The following CERT1 variants were observed in gnomAD, a reference collection of about 807,000 sequenced individuals.
CERT1 encodes ceramide transfer protein.
A neutral mutation model predicts 87.9 loss-of-function variants in CERT1; 31 were observed. That is an observed-to-expected ratio of 0.35 (90% confidence interval 0.27 to 0.48). The LOEUF is 0.48. Ranked by LOEUF, CERT1 falls within the 20% of genes least tolerant of loss-of-function variation. The pLI, the probability that CERT1 is intolerant of heterozygous loss-of-function variation, is 0.99. For missense variants in CERT1, 487 were observed against 758.0 expected, an observed-to-expected ratio of 0.64 and a Z score of 4.20; for synonymous variants, 289 against 250.9, an observed-to-expected ratio of 1.15 and a Z score of -1.44.
intron 8 of CERT1, 51 bp downstream of exon 8, chr5:75,410,960 G>C (rs770642097): frequency 4.1e-6 from 4 of 964,230 alleles, no homozygotes; most frequent in Non-Finnish European, 1.6e-6. Flanking sequence ...AATCACTTTT[G>C]TGATAGACAT....
chr5:75,457,233 G>C (rs572179263), intron 3 of CERT1, among the ~76,000 whole-genome samples: 157 of 152,296 alleles, frequency 1.0e-3, no homozygotes, highest in African/African-American at 3.7e-3. Context: ...CAAGTCTCTT[G>C]CTTTTCCTAT....
chr5:75,465,049 C>T (rs1580809317), intron 2 of CERT1, among the ~76,000 whole-genome samples: 1 of 152,190 alleles, frequency 6.6e-6, no homozygotes, highest in South Asian at 2.1e-4. Flanking sequence ...ATGGTTCAGA[C>T]TGCTCTCAGT....
downstream of CERT1, chr5:75,373,990 T>C (rs1168197555): frequency 2.5e-6 from 1 of 398,374 alleles, no homozygotes; most frequent in Non-Finnish European, 4.4e-6. Flanking sequence ...TATAGTTATA[T>C]GCTGAGCAAG....
chr5:75,478,591 T>G (rs983594492), intron 2 of CERT1, among the ~76,000 whole-genome samples: 1 of 152,060 alleles, frequency 6.6e-6, no homozygotes, highest in African/African-American at 2.4e-5. Context: ...AAGAAGCAAT[T>G]AGTCTGCTTA....
At chr5:75,457,296 T>C (rs1765024816) in intron 3 of CERT1, among the ~76,000 whole-genome samples, 1 of 152,192 alleles carries the variant, frequency 6.6e-6, no homozygotes, top group Non-Finnish European at 1.5e-5. Context: ...CTTTGCATAT[T>C]ATCTCATTTA....
At chr5:75,493,010 T>C (rs946482509) in intron 2 of CERT1, among the ~76,000 whole-genome samples, 1 of 152,250 alleles carries the variant, frequency 6.6e-6, no homozygotes, top group Non-Finnish European at 1.5e-5. Context: ...TTTATACTGA[T>C]GTTACTGCTC....
At chr5:75,484,915 A>T (rs1442385327) in intron 2 of CERT1, among the ~76,000 whole-genome samples, 1 of 152,158 alleles carries the variant, frequency 6.6e-6, no homozygotes, top group African/African-American at 2.4e-5. Flanking sequence ...GTTGTAGAGG[A>T]CACATTCTCC....
chr5:75,510,463 C>T (rs995435750), intron 1 of CERT1, among the ~76,000 whole-genome samples: 1 of 152,104 alleles, frequency 6.6e-6, no homozygotes, highest in Non-Finnish European at 1.5e-5. Context: ...TTAAGTAATG[C>T]TCTTCCTGGA....
downstream of CERT1, chr5:75,374,644 T>C (rs1392280973): frequency 7.7e-6 from 5 of 649,260 alleles, no homozygotes; most frequent in South Asian, 6.8e-5. Flanking sequence ...GTCTTTGATG[T>C]CTATGTGCTT....
chr5:75,487,188 T>C (rs1237252361), intron 2 of CERT1, among the ~76,000 whole-genome samples: 3 of 152,108 alleles, frequency 2.0e-5, no homozygotes, highest in East Asian at 3.9e-4. Flanking sequence ...ACACCTACAG[T>C]GAACTTATTT....
intron 12 of CERT1, among the ~76,000 whole-genome samples, chr5:75,386,374 T>C (rs907237187): frequency 1.3e-5 from 2 of 152,200 alleles, no homozygotes; most frequent in East Asian, 3.8e-4. Context: ...GGCTAGAATA[T>C]ATTCTCCTTA....
chr5:75,399,264 T>C (rs769216441), intron 11 of CERT1, 46 bp downstream of exon 11: 2 of 1,396,418 alleles, frequency 1.4e-6, no homozygotes, highest in African/African-American at 1.4e-5. Flanking sequence ...CAGGCTGAAA[T>C]ATAGCACAGA....
At chr5:75,435,764 C>T (rs1764069509) in intron 3 of CERT1, among the ~76,000 whole-genome samples, 3 of 152,104 alleles carry the variant, frequency 2.0e-5, no homozygotes, top group South Asian at 2.1e-4. Flanking sequence ...CTGTCTGGCC[C>T]CTAGAGGTTA....
At chr5:75,458,304 G>A (rs1468625259) in intron 3 of CERT1, among the ~76,000 whole-genome samples, 3 of 151,998 alleles carry the variant, frequency 2.0e-5, no homozygotes, top group Admixed American at 2.0e-4. Context: ...TTTATCATTA[G>A]ATAGCCTCAC....
chr5:75,475,631 T>C (rs972778514), intron 2 of CERT1, among the ~76,000 whole-genome samples: 3 of 152,112 alleles, frequency 2.0e-5, no homozygotes, highest in Non-Finnish European at 4.4e-5. Context: ...TCCCTTTTCT[T>C]AAAACTTGCC....
Position 75,434,186 on chromosome 5 carries a change from GTT to G in CERT1, c.349-7710_349-7709del, listed in dbSNP as rs370209071. ...TTCCTTCAATGCCTAGTTTGTTGAG[GTT>G]TTTTTTTTTTTTTTTTTATCATGAA... On this transcript the variant is annotated intron_variant, in intron 3 of 16. Coordinates refer to ENST00000643780, the MANE Select transcript of CERT1 (RefSeq NM_001379029.1). Among the ~76,000 whole-genome samples, 185 of 126,740 alleles carry G rather than the reference GTT, an allele frequency of 1.5e-3. No homozygotes were observed. The East Asian group carries it at 0.031, about 21-fold the overall frequency. The allele number at this position is 126,740 out of a possible 152,430, so 83.1% of individuals were successfully genotyped here.
intron 2 of CERT1, among the ~76,000 whole-genome samples, chr5:75,467,653 A>AG (rs1765519503): frequency 1.4e-5 from 2 of 146,792 alleles, no homozygotes; most frequent in Admixed American, 1.3e-4. Flanking sequence ...AAAAAAAGAA[A>AG]AAAAAAAAAA....
rs1761447125 is a variant in CERT1 at position 75,379,106 on chromosome 5, C to T, written c.*240G>A. On this transcript the variant is annotated 3_prime_UTR_variant, in exon 17 of 17. Transcript: ENST00000643780. ...GCTGAGATGAGAGGATTGTTTGAGG[C>T]CAGAGGTTGAGGTTGCAGTGAGCCG... 5.3e-6 allele frequency: 2 copies of T among 378,570 alleles called. No individual in the cohort carries two copies. Among genetic ancestry groups the T allele is most frequent in the Non-Finnish European group, 4.8e-6 (1 of 209,012 alleles). 23.5% of individuals were successfully genotyped at this position (378,570 alleles called of 1,614,324 possible).
chr5:75,449,681 C>T lies in CERT1; in HGVS notation c.348+9384G>A, dbSNP rs765824835. Among the ~76,000 whole-genome samples the T allele has an allele frequency of 4.7e-5, 7 of 149,662 alleles. No individual in the cohort carries two copies. In the South Asian group the frequency reaches 8.7e-4, roughly 19 times the overall value. On this transcript the variant is annotated intron_variant, in intron 3 of 16. Coordinates refer to ENST00000643780, the MANE Select transcript of CERT1 (RefSeq NM_001379029.1). ...ATGTATGAGATTACTTGTTGCTCCA[C>T]GTCCTCACCAACACTTGGTGGTGGT...
Sources: allele counts gnomAD v4.1 joint callset (sites outside exome capture counted in the v4.1 genomes callset), GRCh38; gene constraint gnomAD v4.1.1; transcripts MANE v1.5; gene names NCBI Gene and HGNC (gene_info 2026-07-23, HGNC 2026-07-21).